SLC5A10: variants seen among roughly 807,000 people sequenced by gnomAD.
The protein encoded by SLC5A10 is sodium/mannose cotransporter SLC5A10.
A neutral mutation model predicts 68.9 loss-of-function variants in SLC5A10; 55 were observed. That is an observed-to-expected ratio of 0.80 (90% CI 0.64 to 1.00). SLC5A10 has a LOEUF of 1.00. Ranked by LOEUF, SLC5A10 falls within the 50% of genes least tolerant of loss-of-function variation. The pLI, the probability that SLC5A10 is intolerant of heterozygous loss-of-function variation, is 0.00. For synonymous variants in SLC5A10, 344 were observed against 344.8 expected, an observed-to-expected ratio of 1.00 and a Z score of 0.02; for missense variants, 732 against 819.3, an observed-to-expected ratio of 0.89 and a Z score of 1.30.
In SLC5A10 at chr17:18,958,743, C is replaced by T. The variant is rs750420490; in HGVS notation, c.173C>T (p.Thr58Met). The change falls in exon 2 of 15, where the codon ACG (threonine) becomes ATG (methionine). Residue 58 changes from threonine (T) to methionine (M), a missense_variant. Transcript: ENST00000395645. ...NGYFLAGRDM[T>M]WWPIGASLFA... ...TACTTCCTGGCAGGCCGGGACATGACGTGGTGGCCGGTGAGTGCACCCTGA... is the reference window on the plus strand; with the variant it reads ...TACTTCCTGGCAGGCCGGGACATGATGTGGTGGCCGGTGAGTGCACCCTGA... The T allele has an allele frequency of 2.0e-5, 33 of 1,614,058 alleles. No homozygotes were observed. The highest frequency in any genetic ancestry group is 1.6e-4 in the Middle Eastern group (1 of 6,084).
At chr17:19,014,952 A>G (rs1480703092) in intron 10 of SLC5A10, 97 bp from the exon 11 acceptor site, 8 of 1,446,948 alleles carry the variant, frequency 5.5e-6, no homozygotes, top group Non-Finnish European at 7.5e-6. Context: ...GAGCATGCAA[A>G]TGGCGGGCGG....
At chr17:18,953,230 G>T (rs770311206) in intron 1 of SLC5A10, among the ~76,000 whole-genome samples, 36 of 151,192 alleles carry the variant, frequency 2.4e-4, no homozygotes, top group Non-Finnish European at 4.1e-4. Flanking sequence ...CCACCTCCTG[G>T]GTTCAAACAA....
rs914425299 is a variant in SLC5A10 at position 19,003,768 on chromosome 17, C to T, written c.983-9642C>T. ...TCCTCGCCGTCGCCGACCCCATTGT[C>T]CTCGGGCCCCTGAGAGGGGCCCGTG... On this transcript the variant is annotated intron_variant, in intron 9 of 14. Transcript: ENST00000395645. The surrounding 1 kb of genome is among the most constrained non-coding windows in gnomAD (Gnocchi z 4.5). The T allele has an allele frequency of 6.2e-7, 1 of 1,610,036 alleles. No individual in the cohort carries two copies. The highest frequency in any genetic ancestry group is 1.1e-5 in the South Asian group (1 of 90,942).
At position 18,958,166 on chromosome 17, in the gene SLC5A10, G is replaced by T. The variant is rs562330456; in HGVS notation, c.112-516G>T. Among the ~76,000 whole-genome samples the T allele has an allele frequency of 2.0e-5, 3 of 152,304 alleles. No individual in the cohort carries two copies. The South Asian group carries it at 6.2e-4, about 32-fold the overall frequency. ...GCTCACTGCAGCATCCACCTCCTGG[G>T]CTCAAGAGATGCTCCCACCTCAGTG... On this transcript the variant is annotated intron_variant, in intron 1 of 14. Transcript: ENST00000395645.
intron 9 of SLC5A10, among the ~76,000 whole-genome samples, chr17:18,983,241 ACCGTCT>A (rs1443011370): frequency 6.6e-6 from 1 of 152,270 alleles, no homozygotes; most frequent in Non-Finnish European, 1.5e-5. Flanking sequence ...CTGGCCAAAC[ACCGTCT>A]CCTTTAATTT....
intron 9 of SLC5A10, 71 bp downstream of exon 9, chr17:18,977,060 G>A (rs772723125): frequency 1.1e-5 from 17 of 1,584,924 alleles, no homozygotes; most frequent in African/African-American, 1.3e-5. Flanking sequence ...TCCTGCAAAC[G>A]TCACCAGAAG....
intron 9 of SLC5A10, chr17:18,988,413 A>G (rs1384239814): frequency 6.2e-7 from 1 of 1,613,794 alleles, no homozygotes; most frequent in African/African-American, 1.3e-5. Flanking sequence ...CACAGCTATC[A>G]CCTGGGAGCA....
At chr17:18,992,907 C>A (rs1487348182) in intron 9 of SLC5A10, among the ~76,000 whole-genome samples, 5 of 152,336 alleles carry the variant, frequency 3.3e-5, no homozygotes, top group South Asian at 2.1e-4. Context: ...ACAGCTCCTG[C>A]CTCACAGGTG....
rs779742577 is a variant in SLC5A10, at chr17:19,022,075, G to A, written c.*1644G>A. On this transcript the variant is annotated 3_prime_UTR_variant, in exon 15 of 15. Transcript: ENST00000395645. ...AGGACCTCAATGATGTCGCCACGGC[G>A]GAAGCTGAGCTGCGAGGGGTCCTGG... 2.3e-5 allele frequency: 36 copies of A among 1,591,654 alleles called. No individual in the cohort carries two copies. Among genetic ancestry groups the A allele is most frequent in the South Asian group, 3.4e-5 (3 of 87,382 alleles).
At chr17:18,958,542 C>A in intron 1 of SLC5A10, 140 bp from the exon 2 acceptor site, 2 of 631,940 alleles carry the variant, frequency 3.2e-6, no homozygotes, top group South Asian at 3.9e-5. Context: ...TTCTTTTGGA[C>A]ATATACCTAG....
In SLC5A10 at chr17:19,020,771, G is replaced by C; in HGVS notation, c.*340G>C. On this transcript the variant is annotated 3_prime_UTR_variant, in exon 15 of 15. Coordinates refer to ENST00000395645, the MANE Select transcript of SLC5A10 (RefSeq NM_001042450.4). ...ATTTGCCAGCACTCAGGGTTCTAAG[G>C]GTCTTGGGCCAGCTCTGGATGGAGG... 6.2e-6 allele frequency: 2 copies of C among 324,942 alleles called. No homozygotes were observed. The highest frequency in any genetic ancestry group is 1.2e-5 in the Non-Finnish European group (2 of 169,232). 20.1% of individuals were successfully genotyped at this position (324,942 alleles called of 1,614,324 possible).
intron 1 of SLC5A10, among the ~76,000 whole-genome samples, chr17:18,952,767 C>T (rs778232249): frequency 4.6e-5 from 7 of 152,220 alleles, no homozygotes; most frequent in Admixed American, 1.3e-4. Flanking sequence ...GAACAAGCTC[C>T]CTGGGGATTT....
intron 9 of SLC5A10, chr17:18,978,615 G>A: frequency 6.2e-7 from 1 of 1,613,198 alleles, no homozygotes. Flanking sequence ...GCCTTGACAA[G>A]TGCGTACTTG....
intron 7 of SLC5A10, chr17:18,970,707 G>A (rs1037307354): frequency 5.0e-6 from 2 of 401,862 alleles, no homozygotes; most frequent in African/African-American, 4.0e-5. Flanking sequence ...ACTTGCCCAA[G>A]GCCGATGAGT....
chr17:19,019,227 C>G, intron 11 of SLC5A10, 196 bp from the exon 12 acceptor site: 1 of 625,872 alleles, frequency 1.6e-6, no homozygotes, highest in East Asian at 2.9e-5. Context: ...CCTGCAGGAT[C>G]CAGGGAGCCA....
intron 5 of SLC5A10, among the ~76,000 whole-genome samples, chr17:18,966,733 G>C (rs545713772): frequency 4.5e-4 from 63 of 140,082 alleles, no homozygotes; most frequent in Middle Eastern, 3.8e-3. Flanking sequence ...CTGGGTGACA[G>C]AGCAAGACTC....
intron 9 of SLC5A10, among the ~76,000 whole-genome samples, chr17:18,980,086 AG>A (rs2043091759): frequency 6.6e-6 from 1 of 152,120 alleles, no homozygotes; most frequent in South Asian, 2.1e-4. Context: ...GTGGATGGCT[AG>A]GGGGTGATGC....
chr17:18,963,824 C>A (rs888235146), intron 5 of SLC5A10, among the ~76,000 whole-genome samples: 2 of 152,242 alleles, frequency 1.3e-5, no homozygotes, highest in Non-Finnish European at 2.9e-5. Flanking sequence ...TTGTGGGGCT[C>A]TAGCCAGTCA....
At chr17:18,967,175 C>T (rs568181864) in intron 5 of SLC5A10, among the ~76,000 whole-genome samples, 4 of 152,260 alleles carry the variant, frequency 2.6e-5, no homozygotes, top group Admixed American at 2.0e-4. Context: ...TGCAGGCAAC[C>T]GCACACCTAC....
Sources: allele counts gnomAD v4.1 joint callset (sites outside exome capture counted in the v4.1 genomes callset), GRCh38; gene constraint gnomAD v4.1.1; non-coding constraint Gnocchi (gnomAD v3.1); transcripts MANE v1.5; gene names NCBI Gene and HGNC (gene_info 2026-07-23, HGNC 2026-07-21).